The following ERBB4 variants were observed in gnomAD, a reference collection of about 807,000 sequenced individuals.
ERBB4 encodes receptor tyrosine-protein kinase erbB-4.
ERBB4 carries 42 observed loss-of-function variants against 158.0 expected under a neutral mutation model. That is an observed-to-expected ratio of 0.27 (90% CI 0.21 to 0.34). ERBB4 has a LOEUF of 0.34. Among genes scored for constraint, ERBB4 ranks in the 10% least tolerant of loss-of-function variants. The probability of loss-of-function intolerance (pLI) is 1.00; values close to 1 mark genes in which losing one functional copy is unlikely to be tolerated. For missense variants in ERBB4, 1,333 were observed against 1,624.1 expected (o/e 0.82, Z 3.08); for synonymous variants, 583 against 558.7 (o/e 1.04, Z -0.61).
chr2:211,606,248 G>T lies in ERBB4; in HGVS notation c.2301+12929C>A, dbSNP rs186723690. Among the ~76,000 whole-genome samples, 573 of 152,064 alleles carry T rather than the reference G, an allele frequency of 3.8e-3. 1 individual carries two copies. The highest frequency in any genetic ancestry group is 6.1e-3 in the Non-Finnish European group (412 of 67,900). The stretch of plus-strand genomic sequence containing the variant: ...ACCCTGCTAGCGGAATTATATCTGG[G>T]CTATTTCTAAATATTTCATTCTCAT... On this transcript the variant is annotated intron_variant, in intron 19 of 27. Coordinates refer to ENST00000342788, the MANE Select transcript of ERBB4 (RefSeq NM_005235.3).
chr2:211,574,441 A>G (rs1426838618), intron 19 of ERBB4, among the ~76,000 whole-genome samples: 1 of 152,196 alleles, frequency 6.6e-6, no homozygotes, highest in Non-Finnish European at 1.5e-5. Context: ...ATCAATAACA[A>G]TATGGAACAA....
chr2:212,280,891 G>T (rs1359852611), intron 1 of ERBB4, among the ~76,000 whole-genome samples: 1 of 151,676 alleles, frequency 6.6e-6, no homozygotes, highest in East Asian at 1.9e-4. Context: ...ATCAGAGAAA[G>T]TGTGTGGCTT....
Position 211,683,237 on chromosome 2 carries a change from G to A in ERBB4, c.1490-4053C>T, listed in dbSNP as rs187117896. Reference sequence around the variant, plus strand: ...AAGTTTATAGTACAGTAACACAACCGGACATTGGCATTGATATAGGCAAAA... The same window carrying A: ...AAGTTTATAGTACAGTAACACAACCAGACATTGGCATTGATATAGGCAAAA... On this transcript the variant is annotated intron_variant, in intron 12 of 27. Coordinates refer to ENST00000342788, the MANE Select transcript of ERBB4 (RefSeq NM_005235.3). Among the ~76,000 whole-genome samples, 557 of 152,028 alleles carry A rather than the reference G, an allele frequency of 3.7e-3. 7 individuals carry two copies. In the South Asian group the frequency reaches 0.041, roughly 11 times the overall value.
rs1181527033 is a variant in ERBB4, at chr2:211,379,996, C to G, written c.*3619G>C. 1.3e-5 allele frequency: 3 copies of G among 230,994 alleles called. No individual in the cohort carries two copies. The highest frequency in any genetic ancestry group is 2.6e-5 in the Non-Finnish European group (3 of 117,192). 14.3% of individuals were successfully genotyped at this position (230,994 alleles called of 1,614,324 possible). ...AGTATGCACAATCTTCATGCCATGTCTTTCCTTTAGAAGGTATTAGCTCAC... is the reference window on the plus strand; with the variant it reads ...AGTATGCACAATCTTCATGCCATGTGTTTCCTTTAGAAGGTATTAGCTCAC... On this transcript the variant is annotated 3_prime_UTR_variant, in exon 28 of 28. Transcript: ENST00000342788.
intron 2 of ERBB4, among the ~76,000 whole-genome samples, chr2:212,061,268 C>T (rs973158439): frequency 6.6e-6 from 1 of 151,346 alleles, no homozygotes; most frequent in African/African-American, 2.4e-5. Flanking sequence ...ACCTTGCCAA[C>T]ATTGTTAAGC....
intron 1 of ERBB4, among the ~76,000 whole-genome samples, chr2:212,517,625 C>T (rs998052440): frequency 1.3e-5 from 2 of 152,052 alleles, no homozygotes; most frequent in African/African-American, 4.8e-5. Flanking sequence ...TCATTCTCTT[C>T]TTTCTTCTTC....
At chr2:211,813,693 A>C (rs2076812902) in intron 3 of ERBB4, among the ~76,000 whole-genome samples, 1 of 152,176 alleles carries the variant, frequency 6.6e-6, no homozygotes, top group African/African-American at 2.4e-5. Flanking sequence ...TGTAGAAATT[A>C]ACTGACTTAC....
At chr2:211,439,073 G>A (rs1473342635) in intron 20 of ERBB4, among the ~76,000 whole-genome samples, 1 of 151,908 alleles carries the variant, frequency 6.6e-6, no homozygotes, top group Non-Finnish European at 1.5e-5. Flanking sequence ...GGGCTGCCCA[G>A]AAACCTCTTT....
chr2:211,909,352 A>G (rs964750566), intron 3 of ERBB4, among the ~76,000 whole-genome samples: 2 of 151,680 alleles, frequency 1.3e-5, no homozygotes, highest in African/African-American at 4.8e-5. Flanking sequence ...GTGTTACTTA[A>G]TACCTGGGGT....
intron 1 of ERBB4, among the ~76,000 whole-genome samples, chr2:212,368,902 G>A (rs1436366400): frequency 2.6e-5 from 4 of 152,032 alleles, no homozygotes; most frequent in African/African-American, 4.8e-5. Flanking sequence ...CTACAAGTGC[G>A]GCCCGTGGAC....
intron 3 of ERBB4, among the ~76,000 whole-genome samples, chr2:211,884,238 C>G (rs1038515757): frequency 6.6e-6 from 1 of 152,076 alleles, no homozygotes; most frequent in African/African-American, 2.4e-5. Flanking sequence ...CAGCTTATTT[C>G]TAAGACCTTA....
At chr2:211,931,324 C>A (rs965079770) in intron 3 of ERBB4, among the ~76,000 whole-genome samples, 1 of 152,000 alleles carries the variant, frequency 6.6e-6, no homozygotes, top group Admixed American at 6.6e-5. Flanking sequence ...TATTATAGCA[C>A]GTTGTTATCT....
At chr2:212,041,200 C>A (rs1024411858) in intron 2 of ERBB4, among the ~76,000 whole-genome samples, 1 of 152,020 alleles carries the variant, frequency 6.6e-6, no homozygotes, top group Admixed American at 6.6e-5. Flanking sequence ...AAAAGTGTAG[C>A]GTATGTTATT....
intron 2 of ERBB4, among the ~76,000 whole-genome samples, chr2:212,085,822 C>T (rs1357785379): frequency 6.8e-6 from 1 of 146,566 alleles, no homozygotes; most frequent in Non-Finnish European, 1.5e-5. Flanking sequence ...AAAACAGTAT[C>T]TAAGATATTA....
chr2:212,487,587 T>C (rs1305807240), intron 1 of ERBB4, among the ~76,000 whole-genome samples: 2 of 151,436 alleles, frequency 1.3e-5, no homozygotes, highest in African/African-American at 2.4e-5. Context: ...TCAGCAAATA[T>C]GTGTTGAGAA....
At chr2:211,460,623 C>T (rs1364093308) in intron 20 of ERBB4, among the ~76,000 whole-genome samples, 3 of 152,068 alleles carry the variant, frequency 2.0e-5, no homozygotes, top group Non-Finnish European at 2.9e-5. Context: ...TAATCACGAG[C>T]TTGTGTTTTG....
intron 3 of ERBB4, among the ~76,000 whole-genome samples, chr2:211,818,993 G>T (rs1161677087): frequency 2.6e-5 from 4 of 151,840 alleles, no homozygotes; most frequent in Non-Finnish European, 5.9e-5. Flanking sequence ...TTTCTTGATT[G>T]TCTATCAAAT....
chr2:211,776,841 T>C (rs996856119), intron 4 of ERBB4, among the ~76,000 whole-genome samples: 4 of 152,118 alleles, frequency 2.6e-5, no homozygotes, highest in African/African-American at 9.7e-5. Context: ...ATATTAGTAT[T>C]AGGGCAGAGG....
At chr2:212,186,046 TAC>T (rs2082009118) in intron 1 of ERBB4, among the ~76,000 whole-genome samples, 1 of 152,150 alleles carries the variant, frequency 6.6e-6, no homozygotes, top group South Asian at 2.1e-4. Flanking sequence ...TTACAAGAAA[TAC>T]ATTGTTTTTA....
Sources: allele counts gnomAD v4.1 joint callset (sites outside exome capture counted in the v4.1 genomes callset), GRCh38; gene constraint gnomAD v4.1.1; transcripts MANE v1.5; gene names NCBI Gene and HGNC (gene_info 2026-07-23, HGNC 2026-07-21).